Variants in SLC8A1 observed in about 807,000 individuals in gnomAD.
The protein encoded by SLC8A1 is sodium/calcium exchanger 1.
SLC8A1 carries 18 observed loss-of-function variants against 68.3 expected under a neutral mutation model. That is an observed-to-expected ratio of 0.26 (90% CI 0.18 to 0.39). The LOEUF is 0.39. SLC8A1 is among the 10% of genes least tolerant of loss of function. The probability of loss-of-function intolerance (pLI) is 1.00; values close to 1 mark genes in which losing one functional copy is unlikely to be tolerated. For missense variants in SLC8A1, 985 were observed against 1,156.7 expected, an observed-to-expected ratio of 0.85 and a Z score of 2.15; for synonymous variants, 475 against 415.5, an observed-to-expected ratio of 1.14 and a Z score of -1.74.
intron 2 of SLC8A1, among the ~76,000 whole-genome samples, chr2:40,309,033 G>T (rs979820873): frequency 1.3e-5 from 2 of 152,050 alleles, no homozygotes; most frequent in African/African-American, 4.8e-5. Context: ...CTTAGACATG[G>T]TGAAATAACT....
intron 2 of SLC8A1, 55 bp downstream of exon 2, chr2:40,428,418 C>T (rs1697422657): frequency 3.6e-6 from 5 of 1,397,630 alleles, no homozygotes; most frequent in African/African-American, 3.9e-5. Flanking sequence ...CATAAACACA[C>T]TGAACCACAC....
At chr2:40,452,403 C>G (rs149106457), upstream of SLC8A1, among the ~76,000 whole-genome samples, 689 of 152,178 alleles carry the variant, frequency 4.5e-3, 3 homozygotes, top group Non-Finnish European at 6.6e-3. Context: ...GATTTCCTGC[C>G]GGCTCTCGGC....
chr2:40,282,890 G>C (rs374291130), intron 2 of SLC8A1, among the ~76,000 whole-genome samples: 19 of 152,272 alleles, frequency 1.2e-4, no homozygotes, highest in Middle Eastern at 3.4e-3. Context: ...GAATCTTGAA[G>C]ACCCTGGGGT....
intron 2 of SLC8A1, among the ~76,000 whole-genome samples, chr2:40,309,336 C>A (rs1010257604): frequency 4.6e-5 from 7 of 152,072 alleles, no homozygotes; most frequent in Non-Finnish European, 8.8e-5. Flanking sequence ...AGCTTCTTCC[C>A]TAGGGAAAGA....
chr2:40,158,184 C>G (rs926612523), intron 6 of SLC8A1, among the ~76,000 whole-genome samples: 15 of 152,184 alleles, frequency 9.9e-5, no homozygotes, highest in African/African-American at 3.6e-4. Flanking sequence ...TGACTCTCAA[C>G]TATTTAGCCA....
chr2:40,148,770 GA>G (rs1358417976), intron 6 of SLC8A1, among the ~76,000 whole-genome samples: 2 of 152,218 alleles, frequency 1.3e-5, no homozygotes, highest in African/African-American at 4.8e-5. Context: ...AGATTTTTAA[GA>G]GAAGTTATAT....
At chr2:40,412,505 A>AACTG (rs1375242102) in intron 2 of SLC8A1, among the ~76,000 whole-genome samples, 4 of 152,186 alleles carry the variant, frequency 2.6e-5, no homozygotes, top group Non-Finnish European at 4.4e-5. Flanking sequence ...GAGTGGGCAT[A>AACTG]CGGTTTTAAC....
At chr2:40,268,558 T>C (rs2065645111) in intron 2 of SLC8A1, among the ~76,000 whole-genome samples, 1 of 152,182 alleles carries the variant, frequency 6.6e-6, no homozygotes, top group Admixed American at 6.5e-5. Context: ...ATGTGGATAA[T>C]TCTCTATATT....
chr2:40,128,658 C>T (rs1363457753), intron 7 of SLC8A1, among the ~76,000 whole-genome samples: 4 of 152,160 alleles, frequency 2.6e-5, no homozygotes, highest in Non-Finnish European at 4.4e-5. Context: ...GTGTGATCCC[C>T]ACCCCCAGCA....
intron 1 of SLC8A1, among the ~76,000 whole-genome samples, chr2:40,484,647 G>A (rs1576648726): frequency 6.6e-6 from 1 of 152,168 alleles, no homozygotes; most frequent in Admixed American, 6.5e-5. Context: ...CTTCGGAAAC[G>A]TTAAACGTGA....
intron 2 of SLC8A1, among the ~76,000 whole-genome samples, chr2:40,355,664 C>G (rs1201965247): frequency 6.6e-6 from 1 of 152,104 alleles, no homozygotes; most frequent in Non-Finnish European, 1.5e-5. Context: ...GGTCACTAAG[C>G]CAGTCAAAAT....
intron 2 of SLC8A1, among the ~76,000 whole-genome samples, chr2:40,312,760 T>C (rs577896152): frequency 6.7e-4 from 102 of 152,232 alleles, no homozygotes; most frequent in African/African-American, 2.3e-3. Flanking sequence ...GTGCCAGATA[T>C]AATGCCAAAC....
At chr2:40,216,725 G>A (rs1353467213) in intron 2 of SLC8A1, among the ~76,000 whole-genome samples, 2 of 152,156 alleles carry the variant, frequency 1.3e-5, no homozygotes, top group East Asian at 3.8e-4. Flanking sequence ...TCTCACTGTG[G>A]TTTTGATTTG....
chr2:40,356,512 A>G (rs899809924), intron 2 of SLC8A1, among the ~76,000 whole-genome samples: 2 of 152,014 alleles, frequency 1.3e-5, no homozygotes, highest in African/African-American at 4.8e-5. Flanking sequence ...GCCTTTCATT[A>G]GAAGATACCA....
chr2:40,291,871 C>T (rs1014232382), intron 2 of SLC8A1, among the ~76,000 whole-genome samples: 1 of 151,240 alleles, frequency 6.6e-6, no homozygotes, highest in African/African-American at 2.4e-5. Flanking sequence ...TATTCAGTCA[C>T]AACACCCTGA....
intron 7 of SLC8A1, among the ~76,000 whole-genome samples, chr2:40,117,478 T>C (rs1024659369): frequency 5.4e-5 from 8 of 148,834 alleles, no homozygotes; most frequent in Admixed American, 1.3e-4. Context: ...AGCATGAGAA[T>C]TGCTTGAACC....
At chr2:40,395,614 C>T (rs1398081190) in intron 2 of SLC8A1, among the ~76,000 whole-genome samples, 5 of 151,984 alleles carry the variant, frequency 3.3e-5, no homozygotes, top group African/African-American at 1.2e-4. Flanking sequence ...TCCCATCTGA[C>T]ATATTTACTG....
chr2:40,438,380 C>G (rs909198679), intron 1 of SLC8A1, among the ~76,000 whole-genome samples: 1 of 152,120 alleles, frequency 6.6e-6, no homozygotes, highest in Admixed American at 6.5e-5. Context: ...TCTTAAAAAT[C>G]TGTATATATA....
intron 3 of SLC8A1, among the ~76,000 whole-genome samples, chr2:40,177,454 G>A (rs751670189): frequency 3.6e-4 from 55 of 152,154 alleles, no homozygotes; most frequent in Non-Finnish European, 7.2e-4. Flanking sequence ...AGAATAAACC[G>A]TGAGTAGTGA....
Sources: allele counts gnomAD v4.1 joint callset (sites outside exome capture counted in the v4.1 genomes callset), GRCh38; gene constraint gnomAD v4.1.1; transcripts MANE v1.5; gene names NCBI Gene and HGNC (gene_info 2026-07-23, HGNC 2026-07-21).